SLC2A2: variants seen among roughly 807,000 people sequenced by gnomAD.
SLC2A2 encodes solute carrier family 2 member 2.
SLC2A2 carries 36 observed loss-of-function variants against 54.5 expected under a neutral mutation model. The observed-to-expected ratio is 0.66, with a 90% confidence interval of 0.51 to 0.87. The LOEUF (loss-of-function observed/expected upper bound fraction) is 0.87. SLC2A2 is among the 40% of genes least tolerant of loss of function. The probability of loss-of-function intolerance (pLI) is 0.00; values close to 1 mark genes in which losing one functional copy is unlikely to be tolerated. For missense variants in SLC2A2, 543 were observed against 624.3 expected (o/e 0.87, Z 1.39); for synonymous variants, 223 against 219.1 (o/e 1.02, Z -0.16).
chr3:171,009,375 T>C (rs1456304992), intron 4 of SLC2A2, among the ~76,000 whole-genome samples: 1 of 152,078 alleles, frequency 6.6e-6, no homozygotes, highest in Admixed American at 6.6e-5. Context: ...ACTGTAATGC[T>C]TCACTCGGTC....
chr3:171,009,912 G>GGTGT lies in SLC2A2; in HGVS notation c.496+42_496+45dup, dbSNP rs71176588. The GGTGT allele has an allele frequency of 0.068, 88,952 of 1,301,854 alleles. 936 individuals are homozygous for GGTGT. Among genetic ancestry groups the GGTGT allele is most frequent in the Admixed American group, 0.11 (4,634 of 43,172 alleles). The allele number at this position is 1,301,854 out of a possible 1,614,324, so 80.6% of individuals were successfully genotyped here. On this transcript the variant is annotated intron_variant, in intron 4 of 10. Coordinates refer to ENST00000314251, the MANE Select transcript of SLC2A2 (RefSeq NM_000340.2). ...TTAGAGTTACTTTCAGACAAAGGTA[G>GGTGT]GTGTGTGTGTGTGTGTGTGTGTGTG...
At chr3:171,018,824 TG>T (rs1392695207) in intron 1 of SLC2A2, among the ~76,000 whole-genome samples, 2 of 152,038 alleles carry the variant, frequency 1.3e-5, no homozygotes, top group East Asian at 3.9e-4. Context: ...TCCCCTATGC[TG>T]CTAAAACTCA....
intron 1 of SLC2A2, among the ~76,000 whole-genome samples, 179 bp downstream of exon 1, chr3:171,026,477 A>T (rs1716707333): frequency 6.6e-6 from 1 of 151,862 alleles, no homozygotes; most frequent in Admixed American, 6.6e-5. Context: ...ACAGAGCAAA[A>T]ATCCTTAAAA....
chr3:170,999,010 G>T, intron 9 of SLC2A2, 55 bp downstream of exon 9: 1 of 1,104,332 alleles, frequency 9.1e-7, no homozygotes, highest in Non-Finnish European at 1.4e-6. Context: ...GACCACAGAG[G>T]TGCCAGGTAC....
chr3:171,006,476 T>C lies in SLC2A2; in HGVS notation c.613-371A>G, dbSNP rs1165776869. On this transcript the variant is annotated intron_variant, in intron 5 of 10. Transcript: ENST00000314251. ...GTATTCTCCAGGCAACCAGATAGAATAATACTGTGTTAAAATCATCCATGA... is the reference window on the plus strand; with the variant it reads ...GTATTCTCCAGGCAACCAGATAGAACAATACTGTGTTAAAATCATCCATGA... Among the ~76,000 whole-genome samples the C allele has an allele frequency of 1.1e-4, 17 of 152,222 alleles. No homozygotes were observed. In the East Asian group the frequency reaches 1.4e-3, roughly 12 times the overall value.
rs1388855449 is a variant in SLC2A2, at chr3:170,998,277, T to A, written c.1290A>T (p.Gly430=). The A allele has an allele frequency of 6.2e-7, 1 of 1,613,822 alleles. No homozygotes were observed. ...WFMVAEFFSQ[G]PRPAALAIAA... ...CTATTGCTAAAGCAGCAGGACGTGG[T>A]CCTTGACTGAAAAACTCAGCCACCA... Residue 430 remains glycine (G), a synonymous_variant, in exon 10 of 11, where the codon GGA becomes GGT. Coordinates refer to ENST00000314251, the MANE Select transcript of SLC2A2 (RefSeq NM_000340.2).
chr3:171,020,848 T>G (rs1716427484), intron 1 of SLC2A2, among the ~76,000 whole-genome samples: 1 of 151,710 alleles, frequency 6.6e-6, no homozygotes, highest in Non-Finnish European at 1.5e-5. Context: ...TGCACCACCA[T>G]ACTCCAGCCT....
At chr3:171,024,955 G>GA (rs1297412744) in intron 1 of SLC2A2, among the ~76,000 whole-genome samples, 52 of 152,296 alleles carry the variant, frequency 3.4e-4, no homozygotes, top group Middle Eastern at 3.4e-3. Context: ...GAAAATTAAT[G>GA]ATAGTTTTGA....
chr3:171,020,865 C>T (rs1560042845), intron 1 of SLC2A2, among the ~76,000 whole-genome samples: 2 of 151,372 alleles, frequency 1.3e-5, no homozygotes, highest in Admixed American at 6.6e-5. Context: ...GCCTGGGTGA[C>T]AAAGCAAGAC....
intron 2 of SLC2A2, 65 bp from the exon 3 acceptor site, chr3:171,014,796 A>G: frequency 7.3e-7 from 1 of 1,361,338 alleles, no homozygotes; most frequent in Non-Finnish European, 1.0e-6. Flanking sequence ...TTTTGTCTTT[A>G]AAGTGTTTGT....
chr3:171,026,561 C>T (rs1716711090), intron 1 of SLC2A2, 95 bp downstream of exon 1: 1 of 1,015,810 alleles, frequency 9.8e-7, no homozygotes. Flanking sequence ...GTGGTAGCTA[C>T]ACCCAACCTC....
intron 4 of SLC2A2, among the ~76,000 whole-genome samples, chr3:171,008,161 C>T (rs1013205444): frequency 1.3e-5 from 2 of 152,038 alleles, no homozygotes; most frequent in South Asian, 4.1e-4. Context: ...AAACTACCTG[C>T]CTATCAAATT....
intron 7 of SLC2A2, among the ~76,000 whole-genome samples, chr3:171,003,653 G>C (rs1304948490): frequency 6.6e-6 from 1 of 151,900 alleles, no homozygotes; most frequent in Non-Finnish European, 1.5e-5. Context: ...ACATCATGAT[G>C]TCAACATTTT....
At chr3:171,011,577 G>A (rs1395069994) in intron 3 of SLC2A2, among the ~76,000 whole-genome samples, 1 of 152,102 alleles carries the variant, frequency 6.6e-6, no homozygotes, top group Non-Finnish European at 1.5e-5. Flanking sequence ...AAACATATTT[G>A]TGTTGTTTTA....
At chr3:171,015,463 C>A (rs1424955690) in intron 2 of SLC2A2, among the ~76,000 whole-genome samples, 2 of 152,122 alleles carry the variant, frequency 1.3e-5, no homozygotes, top group East Asian at 3.9e-4. Flanking sequence ...GAAAGTAAGA[C>A]CTTGTCTCAA....
At position 171,003,255 on chromosome 3, in the gene SLC2A2, G is replaced by A. The variant is rs140775198; in HGVS notation, c.964-575C>T. Among the ~76,000 whole-genome samples the A allele has an allele frequency of 2.4e-4, 37 of 151,942 alleles. No homozygotes were observed. The East Asian group carries it at 5.2e-3, about 22-fold the overall frequency. ...GTGAGAATCATCCTTATTGTGTATT[G>A]TAGACAGTTCACTATCATTACTATG... On this transcript the variant is annotated intron_variant, in intron 7 of 10. Transcript: ENST00000314251.
At chr3:171,021,345 A>C (rs905483526) in intron 1 of SLC2A2, among the ~76,000 whole-genome samples, 1 of 152,222 alleles carries the variant, frequency 6.6e-6, no homozygotes, top group Admixed American at 6.5e-5. Context: ...GAGATGCAAC[A>C]CAAACAGATT....
chr3:171,003,387 G>T (rs1286052870), intron 7 of SLC2A2, among the ~76,000 whole-genome samples: 1 of 123,226 alleles, frequency 8.1e-6, no homozygotes, highest in Non-Finnish European at 1.6e-5. Flanking sequence ...TAGGCTATCA[G>T]AAATCCTCAA....
intron 4 of SLC2A2, among the ~76,000 whole-genome samples, chr3:171,008,688 C>T (rs1053604011): frequency 4.6e-5 from 7 of 151,774 alleles, no homozygotes; most frequent in Admixed American, 1.3e-4. Flanking sequence ...AAAGAAGAAT[C>T]ATAATTGGGA....
Sources: allele counts gnomAD v4.1 joint callset (sites outside exome capture counted in the v4.1 genomes callset), GRCh38; gene constraint gnomAD v4.1.1; transcripts MANE v1.5; gene names NCBI Gene and HGNC (gene_info 2026-07-23, HGNC 2026-07-21).